The following PRLR variants were observed in gnomAD, a reference collection of about 807,000 sequenced individuals.
PRLR encodes the protein prolactin receptor.
PRLR carries 13 observed loss-of-function variants against 40.2 expected under a neutral mutation model. That is an observed-to-expected ratio of 0.32 (90% CI 0.21 to 0.51). PRLR has a LOEUF of 0.51. Ranked by LOEUF, PRLR falls within the 20% of genes least tolerant of loss-of-function variation. PRLR has a pLI of 0.97. For missense variants in PRLR, 656 were observed against 747.3 expected, an observed-to-expected ratio of 0.88 and a Z score of 1.42; for synonymous variants, 269 against 278.7, an observed-to-expected ratio of 0.97 and a Z score of 0.35.
chr5:35,200,476 T>C (rs4703395), intron 1 of PRLR, among the ~76,000 whole-genome samples: 1 of 152,096 alleles, frequency 6.6e-6, no homozygotes, highest in African/African-American at 2.4e-5. Flanking sequence ...GGGCTTTCAA[T>C]TATATATTCT....
At chr5:35,104,469 A>G (rs1297118054) in intron 2 of PRLR, among the ~76,000 whole-genome samples, 1 of 151,990 alleles carries the variant, frequency 6.6e-6, no homozygotes, top group Non-Finnish European at 1.5e-5. Flanking sequence ...TCCCTTTACT[A>G]GCCAAGGGAA....
intron 1 of PRLR, among the ~76,000 whole-genome samples, chr5:35,173,179 C>A (rs1234132283): frequency 6.6e-6 from 1 of 152,126 alleles, no homozygotes; most frequent in African/African-American, 2.4e-5. Context: ...TTGCCCCAGC[C>A]CATTTGTGGT....
At chr5:35,208,757 T>C (rs1431301337) in intron 1 of PRLR, among the ~76,000 whole-genome samples, 1 of 152,050 alleles carries the variant, frequency 6.6e-6, no homozygotes, top group East Asian at 1.9e-4. Context: ...AATTAAGAAT[T>C]TTTTTACATC....
At chr5:35,167,138 CA>C (rs1774857272) in intron 1 of PRLR, among the ~76,000 whole-genome samples, 2 of 147,270 alleles carry the variant, frequency 1.4e-5, no homozygotes, top group African/African-American at 5.0e-5. Context: ...GTTTGTCTAT[CA>C]TCTATCTATC....
intron 1 of PRLR, among the ~76,000 whole-genome samples, chr5:35,141,987 C>T (rs1774039402): frequency 1.3e-5 from 2 of 152,228 alleles, no homozygotes; most frequent in African/African-American, 2.4e-5. Flanking sequence ...CATGTCATAA[C>T]TCAATAGCTA....
chr5:35,188,405 C>T (rs1775507124), intron 1 of PRLR, among the ~76,000 whole-genome samples: 1 of 152,244 alleles, frequency 6.6e-6, no homozygotes, highest in Non-Finnish European at 1.5e-5. Context: ...CTCTAAGAAG[C>T]TTTGTCTCCA....
Position 35,049,359 on chromosome 5 carries a change from G to T in PRLR, c.1059C>A (p.Tyr353Ter). 1.4e-6 allele frequency: 1 copy of T among 703,082 alleles called. No individual in the cohort carries two copies. 43.6% of individuals were successfully genotyped at this position (703,082 alleles called of 1,614,324 possible). ...CTTGACTTGAGATTTTTCTTGGTCT[G>T]TAAGATTTGAGATTTTTGTAATGAG... The change falls in exon 9 of 9, where the codon TAC (tyrosine) becomes TAA (stop). Residue 353 changes from tyrosine (Y) to a stop codon, truncating the protein, a stop_gained. Transcript: ENST00000231423. LOFTEE classifies it low-confidence loss of function (END_TRUNC).
chr5:35,113,378 TATCCATCCATCCATCCATCC>T (rs753971139), intron 2 of PRLR, among the ~76,000 whole-genome samples: 2 of 105,480 alleles, frequency 1.9e-5, no homozygotes. Flanking sequence ...CCCACCCATT[TATCCATCCATCCATCCATCC>T]ATCCATCCAT....
At chr5:35,229,293 C>G (rs1213221955) in intron 1 of PRLR, among the ~76,000 whole-genome samples, 1 of 151,830 alleles carries the variant, frequency 6.6e-6, no homozygotes, top group East Asian at 1.9e-4. Flanking sequence ...GGAAATCTTG[C>G]CCGGTCAACT....
chr5:35,084,392 G>T, intron 5 of PRLR, 78 bp downstream of exon 5: 1 of 1,373,492 alleles, frequency 7.3e-7, no homozygotes, highest in Non-Finnish European at 9.7e-7. Flanking sequence ...CAAAACCCAA[G>T]AAGACTCAAA....
intron 1 of PRLR, among the ~76,000 whole-genome samples, chr5:35,155,392 C>T (rs1316601839): frequency 6.6e-6 from 1 of 151,956 alleles, no homozygotes; most frequent in Non-Finnish European, 1.5e-5. Context: ...AAAAAGAACA[C>T]CTTATTAATT....
At chr5:35,147,803 G>T (rs1209161310) in intron 1 of PRLR, among the ~76,000 whole-genome samples, 1 of 152,050 alleles carries the variant, frequency 6.6e-6, no homozygotes, top group Non-Finnish European at 1.5e-5. Flanking sequence ...CAGCAAAAGA[G>T]AAAAACAAAC....
chr5:35,066,767 T>C (rs1309016709), intron 9 of PRLR, among the ~76,000 whole-genome samples: 1 of 145,886 alleles, frequency 6.9e-6, no homozygotes, highest in Non-Finnish European at 1.5e-5. Context: ...GCCTCTTTTT[T>C]TTTTTTTTTT....
chr5:35,190,909 G>A (rs1775582580), intron 1 of PRLR, among the ~76,000 whole-genome samples: 1 of 152,150 alleles, frequency 6.6e-6, no homozygotes, highest in Non-Finnish European at 1.5e-5. Flanking sequence ...AAGGAAGCTG[G>A]TAGGGTTATA....
intron 1 of PRLR, among the ~76,000 whole-genome samples, chr5:35,173,279 C>A (rs898740399): frequency 3.9e-5 from 6 of 152,204 alleles, no homozygotes; most frequent in Admixed American, 3.9e-4. Context: ...TTCATTTTTA[C>A]AAGAGCCTCT....
At chr5:35,228,801 CTGTGGA>C (rs1776617929) in intron 1 of PRLR, among the ~76,000 whole-genome samples, 1 of 152,136 alleles carries the variant, frequency 6.6e-6, no homozygotes, top group Admixed American at 6.5e-5. Flanking sequence ...CCCAAGAAGG[CTGTGGA>C]TTACTCCCAC....
chr5:35,101,911 T>C (rs1272897414), intron 2 of PRLR, among the ~76,000 whole-genome samples: 2 of 151,526 alleles, frequency 1.3e-5, no homozygotes, highest in Non-Finnish European at 2.9e-5. Flanking sequence ...TTCTGTAACC[T>C]TTGCCTCCCA....
intron 1 of PRLR, among the ~76,000 whole-genome samples, chr5:35,132,562 A>AT (rs1298259397): frequency 6.6e-6 from 1 of 152,166 alleles, no homozygotes; most frequent in Non-Finnish European, 1.5e-5. Flanking sequence ...ATATGTTTAT[A>AT]TTTTTTGCAA....
intron 1 of PRLR, among the ~76,000 whole-genome samples, chr5:35,132,554 A>G (rs1031565379): frequency 2.6e-5 from 4 of 152,330 alleles, no homozygotes; most frequent in African/African-American, 9.6e-5. Context: ...AAATATGGAT[A>G]TGTTTATATT....
Sources: allele counts gnomAD v4.1 joint callset (sites outside exome capture counted in the v4.1 genomes callset), GRCh38; gene constraint gnomAD v4.1.1; transcripts MANE v1.5; gene names NCBI Gene and HGNC (gene_info 2026-07-23, HGNC 2026-07-21).